NTRK2: variants seen among roughly 807,000 people sequenced by gnomAD.
NTRK2 encodes the protein neurotrophic receptor tyrosine kinase 2, also known as BDNF/NT-3 growth factors receptor.
In NTRK2, 13 loss-of-function variants were observed where a neutral mutation model predicts 94.5. The ratio of observed to expected loss-of-function variants is 0.14; its 90% CI spans 0.09 to 0.22. The LOEUF is 0.22. Ranked by LOEUF, NTRK2 falls within the 10% of genes least tolerant of loss-of-function variation. NTRK2 has a pLI of 1.00. For synonymous variants in NTRK2, 372 were observed against 407.4 expected, an observed-to-expected ratio of 0.91 and a Z score of 1.05; for missense variants, 639 against 1,071.2, an observed-to-expected ratio of 0.60 and a Z score of 5.63.
At chr9:84,982,931 T>C (rs1053481593) in intron 17 of NTRK2, among the ~76,000 whole-genome samples, 4 of 152,212 alleles carry the variant, frequency 2.6e-5, no homozygotes, top group African/African-American at 7.2e-5. Flanking sequence ...TAGATTTTTC[T>C]TTCTTAGAGC....
intron 9 of NTRK2, among the ~76,000 whole-genome samples, chr9:84,734,687 A>G (rs2132192969): frequency 6.6e-6 from 1 of 152,240 alleles, no homozygotes; most frequent in Middle Eastern, 3.4e-3. Context: ...TCCCCTGCAC[A>G]CACTCTTGCC....
intron 2 of NTRK2, among the ~76,000 whole-genome samples, chr9:84,687,816 C>T (rs189574357): frequency 6.6e-6 from 1 of 152,284 alleles, no homozygotes; most frequent in Non-Finnish European, 1.5e-5. Flanking sequence ...AAGACTTAGG[C>T]CAGCTCCTAC....
At chr9:84,959,292 T>C (rs1824581912) in intron 17 of NTRK2, among the ~76,000 whole-genome samples, 1 of 152,188 alleles carries the variant, frequency 6.6e-6, no homozygotes, top group African/African-American at 2.4e-5. Context: ...TTTTTTTGTT[T>C]GTTTTTGGTT....
At chr9:84,828,332 T>G (rs1587546366) in intron 12 of NTRK2, among the ~76,000 whole-genome samples, 2 of 152,222 alleles carry the variant, frequency 1.3e-5, no homozygotes, top group African/African-American at 4.8e-5. Flanking sequence ...GTCAAAGAGC[T>G]ATAACTTCAT....
rs546570174 is a variant in NTRK2, at chr9:84,897,090, G to A, written c.1633+29659G>A. Among the ~76,000 whole-genome samples the A allele has an allele frequency of 1.4e-4, 22 of 152,222 alleles. No homozygotes were observed. The South Asian group carries it at 4.1e-3, about 29-fold the overall frequency. On this transcript the variant is annotated intron_variant, in intron 14 of 18. Transcript: ENST00000277120. ...TGTGGCTCCTCGTGGCTAGACAGCT[G>A]GCAAATGGAGGGGCTAAGCTGAACC...
chr9:84,767,365 GC>G (rs933399688), intron 12 of NTRK2, among the ~76,000 whole-genome samples: 9 of 152,200 alleles, frequency 5.9e-5, no homozygotes, highest in Admixed American at 5.9e-4. Context: ...ATTCCTTTTG[GC>G]TGAAAAGATA....
chr9:84,828,310 A>G (rs1388788556), intron 12 of NTRK2, among the ~76,000 whole-genome samples: 1 of 152,196 alleles, frequency 6.6e-6, no homozygotes, highest in Non-Finnish European at 1.5e-5. Flanking sequence ...ATGACAACGC[A>G]GAACATCATT....
intron 7 of NTRK2, 43 bp from the exon 8 acceptor site, chr9:84,724,181 C>G: frequency 1.2e-6 from 2 of 1,612,170 alleles, no homozygotes; most frequent in Middle Eastern, 1.7e-4. Flanking sequence ...ACTTTGGGAT[C>G]AATCCTAATC....
intron 12 of NTRK2, among the ~76,000 whole-genome samples, chr9:84,764,969 CAT>C (rs1654389942): frequency 6.6e-6 from 1 of 152,168 alleles, no homozygotes; most frequent in African/African-American, 2.4e-5. Context: ...GAAAGACAAA[CAT>C]AGCATATTCT....
intron 14 of NTRK2, among the ~76,000 whole-genome samples, chr9:84,911,802 G>T (rs2077243606): frequency 6.6e-6 from 1 of 151,516 alleles, no homozygotes. Flanking sequence ...TGCTTGTTTT[G>T]GGTTTATACT....
At chr9:84,681,689 T>C (rs1258789825) in intron 2 of NTRK2, among the ~76,000 whole-genome samples, 1 of 152,152 alleles carries the variant, frequency 6.6e-6, no homozygotes, top group Non-Finnish European at 1.5e-5. Flanking sequence ...TCCAGTCTTG[T>C]CCCCTCTCTG....
At chr9:84,809,198 G>C (rs549228013) in intron 12 of NTRK2, among the ~76,000 whole-genome samples, 14 of 152,202 alleles carry the variant, frequency 9.2e-5, no homozygotes, top group African/African-American at 3.4e-4. Flanking sequence ...ATGCTAAGTA[G>C]AGAACCTGGT....
intron 12 of NTRK2, among the ~76,000 whole-genome samples, chr9:84,788,245 A>G (rs1219760242): frequency 2.6e-5 from 4 of 152,246 alleles, no homozygotes; most frequent in African/African-American, 7.2e-5. Context: ...GGACATGAAA[A>G]TGAAATTTTA....
intron 14 of NTRK2, among the ~76,000 whole-genome samples, chr9:84,883,611 A>G (rs576840033): frequency 1.3e-5 from 2 of 152,352 alleles, no homozygotes; most frequent in South Asian, 2.1e-4. Flanking sequence ...CTGTGCACCA[A>G]CAATACACCT....
chr9:84,739,392 G>A (rs1447878081), intron 9 of NTRK2, among the ~76,000 whole-genome samples: 2 of 152,112 alleles, frequency 1.3e-5, no homozygotes, highest in African/African-American at 4.8e-5. Context: ...CTTTATTTAC[G>A]ATTGGACCCC....
chr9:84,833,548 GAAA>G (rs2070455744), intron 12 of NTRK2, among the ~76,000 whole-genome samples: 1 of 144,092 alleles, frequency 6.9e-6, no homozygotes, highest in Non-Finnish European at 1.5e-5. Context: ...AGAAAGGAAA[GAAA>G]AAAGAAGGAA....
intron 13 of NTRK2, among the ~76,000 whole-genome samples, chr9:84,862,109 C>G (rs2075366729): frequency 6.6e-6 from 1 of 152,168 alleles, no homozygotes; most frequent in Admixed American, 6.5e-5. Context: ...CCTTGACTCT[C>G]GCTAGCTCCA....
In NTRK2 at chr9:84,875,969, A is replaced by C. The variant is rs143799441; in HGVS notation, c.1633+8538A>C. 1,153 of 1,039,714 alleles carry C rather than the reference A, an allele frequency of 1.1e-3. 3 individuals carry two copies. Among genetic ancestry groups the C allele is most frequent in the African/African-American group, 6.7e-3 (402 of 59,910 alleles). The allele number at this position is 1,039,714 out of a possible 1,614,324, so 64.4% of individuals were successfully genotyped here. A position where few individuals can be genotyped will look rare whatever the true frequency, so the allele number is the denominator to read the frequency against. Reference sequence around the variant, plus strand: ...ATTAGATATGTGTGATTTCAGAACCAAAGGCAGGGGGGAATCCCAGAAAGA... The same window carrying C: ...ATTAGATATGTGTGATTTCAGAACCCAAGGCAGGGGGGAATCCCAGAAAGA... On this transcript the variant is annotated intron_variant, in intron 14 of 18. Transcript: ENST00000277120.
intron 12 of NTRK2, among the ~76,000 whole-genome samples, chr9:84,854,481 T>A (rs1442433382): frequency 6.6e-6 from 1 of 152,020 alleles, no homozygotes; most frequent in Non-Finnish European, 1.5e-5. Flanking sequence ...AGGATGCAGA[T>A]AATAAACAAC....
Sources: gnomAD v4.1 joint callset for allele counts (sites outside exome capture counted in the v4.1 genomes callset) on GRCh38, gnomAD v4.1.1 for gene constraint, MANE v1.5 for transcripts, NCBI Gene and HGNC (gene_info 2026-07-23, HGNC 2026-07-21) for gene names.